Variants in CDH17 observed in about 807,000 individuals in gnomAD.
CDH17 encodes cadherin 17, also known as cadherin-17.
Under a neutral mutation model 86.3 loss-of-function variants are expected in CDH17, and 67 were observed. That is an observed-to-expected ratio of 0.78 (90% confidence interval 0.64 to 0.95). The LOEUF is 0.95. Among genes scored for constraint, CDH17 ranks in the 40% least tolerant of loss-of-function variants. The pLI, the probability that CDH17 is intolerant of heterozygous loss-of-function variation, is 0.00. For synonymous variants in CDH17, 367 were observed against 366.4 expected, an observed-to-expected ratio of 1.00 and a Z score of -0.02; for missense variants, 993 against 1,017.6, an observed-to-expected ratio of 0.98 and a Z score of 0.33.
rs879464191 is a variant in CDH17, at chr8:94,194,619, C to T, written c.51+16G>A. 9.1e-6 allele frequency: 14 copies of T among 1,540,698 alleles called. No individual in the cohort carries two copies. The highest frequency in any genetic ancestry group is 1.3e-5 in the Non-Finnish European group (14 of 1,115,758). On this transcript the variant is annotated intron_variant, in intron 2 of 17. Coordinates refer to ENST00000027335, the MANE Select transcript of CDH17 (RefSeq NM_004063.4). ...ATTCTAGTAAACAAATAGAGAAGAA[C>T]ACCCTCTTCTCTTACCAAATAAAGC...
intron 12 of CDH17, among the ~76,000 whole-genome samples, chr8:94,155,826 A>G (rs1382237131): frequency 6.6e-6 from 1 of 152,210 alleles, no homozygotes; most frequent in Non-Finnish European, 1.5e-5. Context: ...AGTGTTCCCT[A>G]AACACTGGAT....
intron 1 of CDH17, among the ~76,000 whole-genome samples, chr8:94,198,269 A>C (rs908777198): frequency 2.6e-5 from 4 of 152,230 alleles, no homozygotes; most frequent in Admixed American, 6.5e-5. Flanking sequence ...AATTCCTTGC[A>C]TGTTTAAAAA....
At chr8:94,137,970 T>C (rs1035498721) in intron 15 of CDH17, among the ~76,000 whole-genome samples, 5 of 152,168 alleles carry the variant, frequency 3.3e-5, no homozygotes, top group Non-Finnish European at 7.3e-5. Context: ...TTGTTAGCTA[T>C]GTAATTGGGT....
At chr8:94,171,359 T>C (rs2340030) in intron 7 of CDH17, among the ~76,000 whole-genome samples, 55,347 of 151,994 alleles carry the variant, frequency 0.36, 10,854 homozygotes, top group South Asian at 0.47. Flanking sequence ...CCACAATGTA[T>C]GGTGAGCATC....
upstream of CDH17, among the ~76,000 whole-genome samples, chr8:94,212,119 T>C (rs117471224): frequency 3.0e-3 from 463 of 152,360 alleles, no homozygotes; most frequent in Non-Finnish European, 5.0e-3. Flanking sequence ...CATTTTCTGA[T>C]AAATTTAAGC....
chr8:94,141,752 T>C (rs1812642482), intron 15 of CDH17, among the ~76,000 whole-genome samples: 1 of 152,162 alleles, frequency 6.6e-6, no homozygotes, highest in Non-Finnish European at 1.5e-5. Context: ...TGGAGACATA[T>C]ACCATGTTCA....
chr8:94,192,218 T>A (rs1455437231), intron 2 of CDH17, among the ~76,000 whole-genome samples: 1 of 152,200 alleles, frequency 6.6e-6, no homozygotes, highest in Non-Finnish European at 1.5e-5. Flanking sequence ...CTATAAAGAT[T>A]TCAAAGTGCA....
At chr8:94,170,803 T>G (rs766290447) in intron 8 of CDH17, 51 bp downstream of exon 8, 1 of 1,575,348 alleles carries the variant, frequency 6.3e-7, no homozygotes, top group Non-Finnish European at 8.6e-7. Flanking sequence ...CAACTGTAGA[T>G]GGGCATAGGA....
chr8:94,130,946 CCT>C lies in CDH17; in HGVS notation c.2212_2213del (p.Arg738GlyfsTer10). 1 of 1,610,638 alleles carries C rather than the reference CCT, an allele frequency of 6.2e-7. No homozygotes were observed. On this transcript the variant is annotated frameshift_variant, in exon 16 of 18. Coordinates refer to ENST00000027335, the MANE Select transcript of CDH17 (RefSeq NM_004063.4). LOFTEE classifies it high-confidence loss of function. ...TGATGCGGATCAAGACGACATACTCCCTCTCCTCAAACTCTGTGTGCCTGGTA... is the reference window on the plus strand; with the variant it reads ...TGATGCGGATCAAGACGACATACTCCCTCCTCAAACTCTGTGTGCCTGGTA... ...LSTRHTEFEEREYVVLIRIND... is the reference protein window; with the variant it reads ...LSTRHTEFEEXEYVVLIRIND...
At chr8:94,171,062 C>G in intron 7 of CDH17, 77 bp from the exon 8 acceptor site, 2 of 1,425,700 alleles carry the variant, frequency 1.4e-6, no homozygotes, top group Non-Finnish European at 1.9e-6. Context: ...TTTTCTAGTT[C>G]TCAATTTGAA....
intron 3 of CDH17, among the ~76,000 whole-genome samples, chr8:94,182,505 A>C (rs1169696717): frequency 6.6e-6 from 1 of 152,182 alleles, no homozygotes; most frequent in African/African-American, 2.4e-5. Context: ...TATTGATAGA[A>C]TCAAGGATAA....
Position 94,146,137 on chromosome 8 carries a change from A to T in CDH17, c.1958T>A (p.Phe653Tyr). The change falls in exon 15 of 18, where the codon TTC becomes TAC. Residue 653 changes from phenylalanine (F) to tyrosine (Y), a missense_variant. Physicochemically the swap from Phe to Tyr is conservative, Grantham distance 22. Coordinates refer to ENST00000027335, the MANE Select transcript of CDH17 (RefSeq NM_004063.4). ...ATTCACATCCATAAGGATCAGGTGG[A>T]ACTCTGACACAGAGCTCAAGGAAGA... ...GGSSLSSVSE[F>Y]HLILMDVNDN... is the part of the protein sequence containing the mutation. 1 of 1,599,112 alleles carries T rather than the reference A, an allele frequency of 6.3e-7. No homozygotes were observed.
At chr8:94,191,597 AC>A (rs61398938) in intron 2 of CDH17, among the ~76,000 whole-genome samples, 60,312 of 151,072 alleles carry the variant, frequency 0.4, 12,579 homozygotes, top group South Asian at 0.49. Flanking sequence ...CATTACAGGC[AC>A]CCCCCCACCA....
intron 15 of CDH17, among the ~76,000 whole-genome samples, chr8:94,132,758 T>G (rs536083209): frequency 6.6e-6 from 1 of 152,228 alleles, no homozygotes; most frequent in Non-Finnish European, 1.5e-5. Flanking sequence ...GTCTTCTGAA[T>G]GGTATTGCCT....
chr8:94,168,099 T>A (rs1333079576), intron 9 of CDH17, among the ~76,000 whole-genome samples: 13 of 466 alleles, frequency 0.028, no homozygotes, highest in African/African-American at 0.074. Context: ...CACTGGGGAA[T>A]ATATATATAT....
intron 10 of CDH17, among the ~76,000 whole-genome samples, chr8:94,163,426 G>A (rs1477547781): frequency 6.6e-6 from 1 of 152,254 alleles, no homozygotes; most frequent in African/African-American, 2.4e-5. Flanking sequence ...GCAAGAGACT[G>A]GAGGGAGGAC....
chr8:94,130,690 G>A lies in CDH17; in HGVS notation c.2334C>T (p.His778=), dbSNP rs141222335. ...TGCCCACAGTGGGTATCCCAGTCTG[G>A]TGACCTGCTGGCCGGAAACAACTTC... The part of the protein sequence containing the change: ...VEGSCFRPAG[H]QTGIPTVGMA... The change falls in exon 17 of 18, where the codon CAC becomes CAT. Residue 778 remains histidine, a synonymous_variant. Transcript: ENST00000027335. 157 of 1,614,032 alleles carry A rather than the reference G, an allele frequency of 9.7e-5. 1 individual carries two copies. In the East Asian group the frequency reaches 3.5e-3, roughly 36 times the overall value.
In CDH17 at chr8:94,191,600, C is replaced by G. The variant is rs1421675767; in HGVS notation, c.52-2315G>C. Among the ~76,000 whole-genome samples, 11 of 151,998 alleles carry G rather than the reference C, an allele frequency of 7.2e-5. No homozygotes were observed. In the East Asian group the frequency reaches 2.1e-3, roughly 30 times the overall value. ...CTGAATAGCTGGCATTACAGGCACC[C>G]CCCCACCATGCCCGACTAATTTTTT... On this transcript the variant is annotated intron_variant, in intron 2 of 17. Transcript: ENST00000027335.
At chr8:94,187,625 TTGAGAAAAACTCA>T (rs1417723549) in intron 3 of CDH17, among the ~76,000 whole-genome samples, 62 of 152,106 alleles carry the variant, frequency 4.1e-4, no homozygotes, top group Non-Finnish European at 2.4e-4. Flanking sequence ...TCCATTGCTT[TTGAGAAAAACTCA>T]AGATCCTTAG....
Sources: allele counts gnomAD v4.1 joint callset (sites outside exome capture counted in the v4.1 genomes callset), GRCh38; gene constraint gnomAD v4.1.1; transcripts MANE v1.5; gene names NCBI Gene and HGNC (gene_info 2026-07-23, HGNC 2026-07-21).